The following FLRT1 variants were observed in gnomAD, a reference collection of about 807,000 sequenced individuals.
The protein encoded by FLRT1 is leucine-rich repeat transmembrane protein FLRT1.
FLRT1 carries 14 observed loss-of-function variants against 30.9 expected under a neutral mutation model. That is an observed-to-expected ratio of 0.45 (90% confidence interval 0.30 to 0.71). FLRT1 has a LOEUF of 0.71. Among genes scored for constraint, FLRT1 ranks in the 30% least tolerant of loss-of-function variants. The probability of loss-of-function intolerance (pLI) is 0.08; values close to 1 mark genes in which losing one functional copy is unlikely to be tolerated. For missense variants in FLRT1, 737 were observed against 949.2 expected (o/e 0.78, Z 2.94); for synonymous variants, 368 against 430.4 (o/e 0.85, Z 1.80).
At chr11:64,094,430 TA>T (rs71468652) in intron 1 of FLRT1, among the ~76,000 whole-genome samples, 2,173 of 142,376 alleles carry the variant, frequency 0.015, 32 homozygotes, top group African/African-American at 0.042. Context: ...GACTCCAACT[TA>T]AAAAAAAAAA....
chr11:64,074,661 G>A (rs1310427643), intron 1 of FLRT1, among the ~76,000 whole-genome samples: 2 of 152,228 alleles, frequency 1.3e-5, no homozygotes, highest in African/African-American at 2.4e-5. Context: ...GCATGTCCAA[G>A]TAGTGGGACC....
chr11:64,048,654 G>A (rs543613369), intron 1 of FLRT1, among the ~76,000 whole-genome samples: 19 of 151,816 alleles, frequency 1.3e-4, no homozygotes, highest in Middle Eastern at 3.4e-3. Context: ...CGTCATCACC[G>A]ATTCCTTAAA....
intron 1 of FLRT1, among the ~76,000 whole-genome samples, chr11:64,042,303 C>T (rs552542491): frequency 4.6e-5 from 7 of 152,152 alleles, no homozygotes; most frequent in South Asian, 2.1e-4. Context: ...GAAGCTGCCA[C>T]GAGGAAGGGG....
chr11:64,045,127 C>T (rs1331653170), intron 1 of FLRT1, among the ~76,000 whole-genome samples: 5 of 152,076 alleles, frequency 3.3e-5, no homozygotes, highest in Admixed American at 6.5e-5. Flanking sequence ...GTGCTTCTGC[C>T]TCGGCCGAGT....
chr11:64,077,108 C>A (rs552997421), intron 1 of FLRT1, among the ~76,000 whole-genome samples: 39 of 152,302 alleles, frequency 2.6e-4, no homozygotes, highest in Non-Finnish European at 4.7e-4. Flanking sequence ...GTGCCCTCCA[C>A]CTCAGTCCAG....
At chr11:64,054,912 C>T (rs968923230) in intron 1 of FLRT1, among the ~76,000 whole-genome samples, 1 of 152,116 alleles carries the variant, frequency 6.6e-6, no homozygotes, top group African/African-American at 2.4e-5. Context: ...GTCTTGGTGA[C>T]CGCCCTCTTT....
intron 1 of FLRT1, among the ~76,000 whole-genome samples, chr11:64,054,023 G>C (rs1943740568): frequency 6.6e-6 from 1 of 152,170 alleles, no homozygotes; most frequent in African/African-American, 2.4e-5. Context: ...GCTCCCACGT[G>C]GTTCAGAAAG....
chr11:64,096,359 C>T lies in FLRT1; in HGVS notation c.-1037-6835C>T, dbSNP rs1044848411. On this transcript the variant is annotated intron_variant, in intron 1 of 2. Transcript: ENST00000682287. The surrounding 1 kb of genome is among the most constrained non-coding windows in gnomAD (Gnocchi z 4.6). ...CACGGTCCCTAATGGGCACGGGCGA[C>T]GCATTACAGTGAGGTCTGCCAGGTA... Among the ~76,000 whole-genome samples, 1 of 151,954 alleles carries T rather than the reference C, an allele frequency of 6.6e-6. No homozygotes were observed. The highest frequency in any genetic ancestry group is 6.5e-5 in the Admixed American group (1 of 15,272).
In FLRT1 at chr11:64,116,454, G is replaced by A. The variant is rs749232008; in HGVS notation, c.187G>A (p.Gly63Ser). The change falls in exon 3 of 3, where the codon GGC becomes AGC. Residue 63 changes from glycine (G) to serine (S), a missense_variant. Coordinates refer to ENST00000682287, the MANE Select transcript of FLRT1 (RefSeq NM_013280.5). Reference sequence around the variant, plus strand: ...CCCCTCGGTGTGCCGCTGCGACAACGGCTTCATCTACTGCAACGACCGGGG... The same window carrying A: ...CCCCTCGGTGTGCCGCTGCGACAACAGCTTCATCTACTGCAACGACCGGGG... ...TCPSVCRCDN[G>S]FIYCNDRGLT... The A allele has an allele frequency of 8.1e-6, 13 of 1,613,900 alleles. No homozygotes were observed. The highest frequency in any genetic ancestry group is 1.7e-5 in the Admixed American group (1 of 60,000).
intron 1 of FLRT1, among the ~76,000 whole-genome samples, chr11:64,056,438 A>G (rs1278577992): frequency 1.3e-5 from 2 of 151,916 alleles, no homozygotes; most frequent in African/African-American, 4.8e-5. Flanking sequence ...TGAGGGGAGG[A>G]GGGTGGGGAG....
chr11:64,080,198 A>G (rs1590878629), intron 1 of FLRT1, among the ~76,000 whole-genome samples: 4 of 152,112 alleles, frequency 2.6e-5, no homozygotes, highest in Admixed American at 2.6e-4. Context: ...TTTTTAGTAG[A>G]GACGGGGTAT....
chr11:64,074,983 TCTCCTTAAGGTTGAAAAGG>T (rs1944176407), intron 1 of FLRT1, among the ~76,000 whole-genome samples: 1 of 152,130 alleles, frequency 6.6e-6, no homozygotes, highest in African/African-American at 2.4e-5. Flanking sequence ...ACTGTACCCC[TCTCCTTAAGGTTGAAAAGG>T]GAGGTCCAGG....
intron 2 of FLRT1, among the ~76,000 whole-genome samples, chr11:64,109,706 G>A (rs1343269356): frequency 6.6e-6 from 1 of 152,170 alleles, no homozygotes; most frequent in Middle Eastern, 3.2e-3. Flanking sequence ...CCACAGGAGG[G>A]GATGGTTGAT....
chr11:64,088,019 C>T (rs902955763), intron 1 of FLRT1, among the ~76,000 whole-genome samples: 3 of 152,154 alleles, frequency 2.0e-5, no homozygotes, highest in Non-Finnish European at 2.9e-5. Flanking sequence ...GGAAACACCC[C>T]GGTGGTGGAG....
intron 1 of FLRT1, among the ~76,000 whole-genome samples, chr11:64,101,197 G>A (rs948486785): frequency 1.9e-4 from 29 of 152,156 alleles, no homozygotes; most frequent in Non-Finnish European, 4.0e-4. Context: ...GTACAGTGAA[G>A]GGCCAGGCTG....
In FLRT1 at chr11:64,036,732, T is replaced by C. The variant is rs912023084; in HGVS notation, c.-1038+573T>C. Among the ~76,000 whole-genome samples the C allele has an allele frequency of 6.6e-6, 1 of 152,002 alleles. No homozygotes were observed. Among genetic ancestry groups the C allele is most frequent in the African/African-American group, 2.4e-5 (1 of 41,390 alleles). ...TGTGCGCGCTGTGGACCGTCAGCCCTGAGCCGGGCGGGGGCTGGGGCCGTA... is the reference window on the plus strand; with the variant it reads ...TGTGCGCGCTGTGGACCGTCAGCCCCGAGCCGGGCGGGGGCTGGGGCCGTA... On this transcript the variant is annotated intron_variant, in intron 1 of 2. Coordinates refer to ENST00000682287, the MANE Select transcript of FLRT1 (RefSeq NM_013280.5). This position sits in a 1 kb window ranked among gnomAD's most constrained non-coding sequence, Gnocchi z 5.6.
At chr11:64,079,223 C>T (rs1944260590) in intron 1 of FLRT1, among the ~76,000 whole-genome samples, 1 of 151,720 alleles carries the variant, frequency 6.6e-6, no homozygotes, top group South Asian at 2.1e-4. Context: ...AGCCCCACGG[C>T]CCCTTCCTGC....
intron 1 of FLRT1, among the ~76,000 whole-genome samples, chr11:64,039,288 G>T (rs908306056): frequency 6.6e-6 from 1 of 152,146 alleles, no homozygotes; most frequent in Non-Finnish European, 1.5e-5. Context: ...GGGTGGGTGG[G>T]GACTGCCCCG....
In FLRT1 at chr11:64,108,084, CG is replaced by C. The variant is rs750124981; in HGVS notation, c.-50+3906del. Among the ~76,000 whole-genome samples the C allele has an allele frequency of 4.5e-4, 69 of 152,188 alleles. 1 individual carries two copies. The highest frequency in any genetic ancestry group is 7.4e-4 in the Non-Finnish European group (50 of 68,002). Reference sequence around the variant, plus strand: ...ATCCCAGCACTTTGGGAGGCCGAGGCGGGCAGATCACCTGAGGTCAGGAGTT... The same window carrying C: ...ATCCCAGCACTTTGGGAGGCCGAGGCGGCAGATCACCTGAGGTCAGGAGTT... On this transcript the variant is annotated intron_variant, in intron 2 of 2. Coordinates refer to ENST00000682287, the MANE Select transcript of FLRT1 (RefSeq NM_013280.5).
Sources: gnomAD v4.1 joint callset for allele counts (sites outside exome capture counted in the v4.1 genomes callset) on GRCh38, gnomAD v4.1.1 for gene constraint, Gnocchi (gnomAD v3.1) non-coding constraint, MANE v1.5 for transcripts, NCBI Gene and HGNC (gene_info 2026-07-23, HGNC 2026-07-21) for gene names.